The following GOLM2 variants were observed in gnomAD, a reference collection of about 807,000 sequenced individuals.
GOLM2 encodes the protein protein GOLM2.
In GOLM2, 26 loss-of-function variants were observed where a neutral mutation model predicts 55.9. The observed-to-expected ratio is 0.47, with a 90% CI of 0.34 to 0.65. GOLM2 has a LOEUF of 0.65. GOLM2 is among the 30% of genes least tolerant of loss of function. The pLI, the probability that GOLM2 is intolerant of heterozygous loss-of-function variation, is 0.01. For synonymous variants in GOLM2, 165 were observed against 194.6 expected (o/e 0.85, Z 1.27); for missense variants, 486 against 531.8 (o/e 0.91, Z 0.85).
At chr15:44,367,158 T>C (rs2079291223) in intron 6 of GOLM2, among the ~76,000 whole-genome samples, 1 of 151,792 alleles carries the variant, frequency 6.6e-6, no homozygotes, top group Non-Finnish European at 1.5e-5. Flanking sequence ...GCTTTTCTGC[T>C]AGAACAGCAG....
At chr15:44,372,966 T>C (rs1018538537) in intron 6 of GOLM2, among the ~76,000 whole-genome samples, 3 of 152,200 alleles carry the variant, frequency 2.0e-5, no homozygotes, top group Non-Finnish European at 2.9e-5. Context: ...ATGCCTCCCC[T>C]GACCAAACTA....
chr15:44,344,510 T>C (rs1218532353), intron 6 of GOLM2, among the ~76,000 whole-genome samples: 1 of 151,956 alleles, frequency 6.6e-6, no homozygotes, highest in African/African-American at 2.4e-5. Flanking sequence ...CTTACCTATA[T>C]GCTGATTTAG....
intron 6 of GOLM2, among the ~76,000 whole-genome samples, chr15:44,378,440 C>A (rs1407591194): frequency 6.6e-6 from 1 of 150,500 alleles, no homozygotes; most frequent in Admixed American, 6.6e-5. Context: ...TCACTGCAAC[C>A]TCCACCTCCC....
chr15:44,342,361 C>A (rs2079095831), intron 6 of GOLM2, among the ~76,000 whole-genome samples: 2 of 151,952 alleles, frequency 1.3e-5, no homozygotes, highest in Admixed American at 6.6e-5. Context: ...ACCTCCTGGG[C>A]TCAAGTGGTA....
chr15:44,324,069 G>A (rs757693625), intron 2 of GOLM2, among the ~76,000 whole-genome samples: 1 of 152,176 alleles, frequency 6.6e-6, no homozygotes, highest in Non-Finnish European at 1.5e-5. Flanking sequence ...GGATGACACA[G>A]AAGATGCCAC....
chr15:44,403,524 TA>T (rs1434936791), intron 9 of GOLM2, among the ~76,000 whole-genome samples: 1 of 152,184 alleles, frequency 6.6e-6, no homozygotes, highest in Non-Finnish European at 1.5e-5. Context: ...AAAACTTTTA[TA>T]ATAGTGGAAT....
intron 6 of GOLM2, among the ~76,000 whole-genome samples, chr15:44,369,154 T>C (rs2079311566): frequency 7.8e-6 from 1 of 128,652 alleles, no homozygotes; most frequent in Non-Finnish European, 1.7e-5. Context: ...GTTATTTCTG[T>C]TCAGCTCTCA....
At chr15:44,306,557 A>T (rs889531058) in intron 1 of GOLM2, among the ~76,000 whole-genome samples, 1 of 152,192 alleles carries the variant, frequency 6.6e-6, no homozygotes, top group African/African-American at 2.4e-5. Flanking sequence ...GAATTTCCTT[A>T]AAGAATTTTT....
intron 6 of GOLM2, among the ~76,000 whole-genome samples, chr15:44,353,677 A>C (rs1482824668): frequency 6.6e-6 from 1 of 152,212 alleles, no homozygotes; most frequent in Non-Finnish European, 1.5e-5. Flanking sequence ...AGCCAGACAC[A>C]GAAAGACAAA....
At chr15:44,290,439 A>G (rs2078712482) in intron 1 of GOLM2, among the ~76,000 whole-genome samples, 1 of 152,188 alleles carries the variant, frequency 6.6e-6, no homozygotes, top group South Asian at 2.1e-4. Context: ...GTGAGCTTCT[A>G]ACTTTCCTGT....
At chr15:44,335,810 CTTTTTTT>C (rs768065943) in intron 4 of GOLM2, among the ~76,000 whole-genome samples, 28 of 122,226 alleles carry the variant, frequency 2.3e-4, no homozygotes, top group African/African-American at 7.9e-4. Context: ...GGACAAACTG[CTTTTTTT>C]TTTTTTTTTT....
At chr15:44,382,855 G>A (rs1287429182) in intron 8 of GOLM2, among the ~76,000 whole-genome samples, 3 of 148,078 alleles carry the variant, frequency 2.0e-5, no homozygotes, top group Admixed American at 6.8e-5. Flanking sequence ...CCCGGGAGGC[G>A]AAGTTTGCAG....
At chr15:44,362,992 G>A (rs1454426394) in intron 6 of GOLM2, among the ~76,000 whole-genome samples, 1 of 152,184 alleles carries the variant, frequency 6.6e-6, no homozygotes, top group South Asian at 2.1e-4. Flanking sequence ...CTAGCCATAT[G>A]TAGAAAGCTG....
chr15:44,370,146 CT>C, intron 6 of GOLM2, among the ~76,000 whole-genome samples: 1 of 152,318 alleles, frequency 6.6e-6, no homozygotes, highest in South Asian at 2.1e-4. Flanking sequence ...AAGGGTGGGT[CT>C]GCCTTCCCCA....
intron 6 of GOLM2, among the ~76,000 whole-genome samples, chr15:44,358,223 G>A (rs939481757): frequency 3.9e-5 from 6 of 152,070 alleles, no homozygotes; most frequent in South Asian, 4.2e-4. Flanking sequence ...GTGTGGTGGC[G>A]CACATCCGTA....
Position 44,373,864 on chromosome 15 carries a change from G to A in GOLM2, c.803-5826G>A, listed in dbSNP as rs189156441. On this transcript the variant is annotated intron_variant, in intron 6 of 9. Transcript: ENST00000299957. ...ACCTATAATCCCAGCACTTTGGGAG[G>A]CTAAGATGGGCGAATCACTTGAGGT... is the stretch of plus-strand genomic sequence containing the variant. Among the ~76,000 whole-genome samples the A allele has an allele frequency of 4.4e-3, 677 of 152,166 alleles. 4 individuals carry two copies. The highest frequency in any genetic ancestry group is 0.016 in the African/African-American group (645 of 41,504).
At chr15:44,324,641 C>A (rs1432412412) in intron 2 of GOLM2, among the ~76,000 whole-genome samples, 1 of 152,042 alleles carries the variant, frequency 6.6e-6, no homozygotes. Context: ...TTTTTTCAAT[C>A]ATTGAGGTAA....
chr15:44,371,016 C>G (rs965769625), intron 6 of GOLM2, among the ~76,000 whole-genome samples: 2 of 152,124 alleles, frequency 1.3e-5, no homozygotes, highest in Non-Finnish European at 2.9e-5. Flanking sequence ...CTGTTAGACC[C>G]CATGAAGTCT....
intron 1 of GOLM2, among the ~76,000 whole-genome samples, chr15:44,290,794 G>A (rs1419957977): frequency 4.0e-5 from 6 of 150,972 alleles, no homozygotes; most frequent in Non-Finnish European, 8.8e-5. Context: ...TGTTGTTGTC[G>A]TTGTTGTTGT....
Sources: allele counts gnomAD v4.1 joint callset (sites outside exome capture counted in the v4.1 genomes callset), GRCh38; gene constraint gnomAD v4.1.1; transcripts MANE v1.5; gene names NCBI Gene and HGNC (gene_info 2026-07-23, HGNC 2026-07-21).